Variants in MIOS observed in about 807,000 individuals in gnomAD.
The protein encoded by MIOS is meiosis regulator for oocyte development.
Under a neutral mutation model 96.9 loss-of-function variants are expected in MIOS, and 52 were observed. The ratio of observed to expected loss-of-function variants is 0.54; its 90% confidence interval spans 0.43 to 0.68. The LOEUF is 0.68. Ranked by LOEUF, MIOS falls within the 30% of genes least tolerant of loss-of-function variation. MIOS has a pLI of 0.00. For synonymous variants in MIOS, 397 were observed against 359.5 expected (o/e 1.10, Z -1.18); for missense variants, 1,005 against 1,052.8 (o/e 0.95, Z 0.63).
At chr7:7,583,650 C>T (rs960031209) in intron 6 of MIOS, among the ~76,000 whole-genome samples, 1 of 151,918 alleles carries the variant, frequency 6.6e-6, no homozygotes, top group African/African-American at 2.4e-5. Flanking sequence ...AATGTTTTCT[C>T]TTAAAGATAG....
At chr7:7,579,540 C>T (rs1783644232) in intron 5 of MIOS, among the ~76,000 whole-genome samples, 1 of 152,186 alleles carries the variant, frequency 6.6e-6, no homozygotes, top group African/African-American at 2.4e-5. Context: ...GTATTCAGTA[C>T]AGTAACTTGC....
chr7:7,591,486 C>T (rs932546662), intron 9 of MIOS, among the ~76,000 whole-genome samples: 1 of 151,758 alleles, frequency 6.6e-6, no homozygotes, highest in Non-Finnish European at 1.5e-5. Context: ...CACCATGTTG[C>T]CCAGGCTGGT....
chr7:7,600,728 C>T (rs1784351464), intron 11 of MIOS, among the ~76,000 whole-genome samples: 1 of 152,182 alleles, frequency 6.6e-6, no homozygotes, highest in East Asian at 1.9e-4. Flanking sequence ...TAATAGACAT[C>T]TACAGAACTC....
chr7:7,582,905 A>G (rs1320964903), intron 5 of MIOS: 5 of 530,098 alleles, frequency 9.4e-6, no homozygotes, highest in Non-Finnish European at 9.2e-6. Flanking sequence ...ATTTGCTCTT[A>G]TTTCAGTAGT....
At chr7:7,603,154 G>A (rs111775162) in intron 11 of MIOS, among the ~76,000 whole-genome samples, 5 of 152,070 alleles carry the variant, frequency 3.3e-5, no homozygotes, top group African/African-American at 1.2e-4. Context: ...CATAGGCATG[G>A]GCAAGGACTT....
intron 5 of MIOS, among the ~76,000 whole-genome samples, chr7:7,576,565 CAG>C (rs1190166738): frequency 3.3e-5 from 5 of 152,076 alleles, no homozygotes; most frequent in African/African-American, 4.8e-5. Flanking sequence ...ATGGCTGAAA[CAG>C]AGCATGAGAG....
chr7:7,592,824 G>T (rs1431697243), intron 9 of MIOS, among the ~76,000 whole-genome samples: 2 of 152,140 alleles, frequency 1.3e-5, no homozygotes, highest in African/African-American at 2.4e-5. Flanking sequence ...TTTGCTTATT[G>T]CCCTGTCACT....
rs1322614471 is a variant in MIOS at position 7,608,648 on chromosome 7, CCCTTTA to C, written c.*1563_*1568del. ...ATTGATTTCATTTTATTAACATATA[CCCTTTA>C]CCTTTAATATTTCATTTGAAGTGTT... On this transcript the variant is annotated 3_prime_UTR_variant, in exon 13 of 13. Transcript: ENST00000340080. 1 of 151,880 alleles carries C rather than the reference CCCTTTA, an allele frequency of 6.6e-6. No homozygotes were observed. The highest frequency in any genetic ancestry group is 2.4e-5 in the African/African-American group (1 of 41,394). 9.4% of individuals were successfully genotyped at this position (151,880 alleles called of 1,614,324 possible).
At chr7:7,603,092 C>T (rs1472295139) in intron 11 of MIOS, among the ~76,000 whole-genome samples, 3 of 152,128 alleles carry the variant, frequency 2.0e-5, no homozygotes, top group East Asian at 1.9e-4. Context: ...AAGACTTAAA[C>T]GTTAGACCTA....
At chr7:7,569,812 A>G (rs923756082) in intron 3 of MIOS, among the ~76,000 whole-genome samples, 1 of 152,212 alleles carries the variant, frequency 6.6e-6, no homozygotes, top group South Asian at 2.1e-4. Flanking sequence ...CTTGGCCCAG[A>G]AGACAGGGAA....
rs1251776103 is a variant in MIOS, at chr7:7,603,290, G to A, written c.2402-2652G>A. On this transcript the variant is annotated intron_variant, in intron 11 of 12. Coordinates refer to ENST00000340080, the MANE Select transcript of MIOS (RefSeq NM_019005.4). Reference sequence around the variant, plus strand: ...AGAGTGAACAGGCAACCTACAAAATGGGAGAAAATTTTTGCAACCTACTCA... The same window carrying A: ...AGAGTGAACAGGCAACCTACAAAATAGGAGAAAATTTTTGCAACCTACTCA... Among the ~76,000 whole-genome samples, 8 of 151,836 alleles carry A rather than the reference G, an allele frequency of 5.3e-5. No homozygotes were observed. The East Asian group carries it at 9.7e-4, about 18-fold the overall frequency.
At chr7:7,604,732 TGA>T (rs1391724008) in intron 11 of MIOS, among the ~76,000 whole-genome samples, 2 of 152,154 alleles carry the variant, frequency 1.3e-5, no homozygotes, top group African/African-American at 4.8e-5. Flanking sequence ...TACTTGGCAG[TGA>T]GATAGACCTT....
chr7:7,598,579 G>C (rs1784282258), intron 11 of MIOS, among the ~76,000 whole-genome samples: 1 of 148,512 alleles, frequency 6.7e-6, no homozygotes, highest in Non-Finnish European at 1.5e-5. Flanking sequence ...ACAACAATGA[G>C]AGCTCGAGGT....
intron 11 of MIOS, chr7:7,605,066 G>C (rs956088836): frequency 5.9e-5 from 9 of 152,092 alleles, no homozygotes; most frequent in Non-Finnish European, 1.2e-4. Flanking sequence ...ATTCCCGACT[G>C]CAAGATTATC....
chr7:7,593,977 T>G (rs1784129730), intron 9 of MIOS, among the ~76,000 whole-genome samples: 1 of 151,816 alleles, frequency 6.6e-6, no homozygotes, highest in African/African-American at 2.4e-5. Flanking sequence ...AAATACAACT[T>G]TAGGAAAATT....
intron 6 of MIOS, 146 bp downstream of exon 6, chr7:7,583,518 G>A (rs1783795603): frequency 3.2e-6 from 3 of 929,024 alleles, no homozygotes; most frequent in South Asian, 4.4e-5. Flanking sequence ...AAACACAGCA[G>A]TATATCTATA....
intron 12 of MIOS, 51 bp downstream of exon 12, chr7:7,606,122 C>G (rs1179169155): frequency 6.3e-7 from 1 of 1,593,202 alleles, no homozygotes; most frequent in Non-Finnish European, 8.6e-7. Flanking sequence ...GGGGATAACA[C>G]AGATTGCTTC....
intron 5 of MIOS, among the ~76,000 whole-genome samples, chr7:7,582,460 TG>T (rs1783761682): frequency 6.6e-6 from 1 of 152,188 alleles, no homozygotes; most frequent in Non-Finnish European, 1.5e-5. Flanking sequence ...GTATAAATAA[TG>T]CTATGTGAAG....
chr7:7,604,401 C>T (rs1784467616), intron 11 of MIOS, among the ~76,000 whole-genome samples: 2 of 152,078 alleles, frequency 1.3e-5, no homozygotes, highest in Non-Finnish European at 2.9e-5. Flanking sequence ...GATTAGAAAT[C>T]TGTTGAAACA....
Sources: gnomAD v4.1 joint callset for allele counts (sites outside exome capture counted in the v4.1 genomes callset) on GRCh38, gnomAD v4.1.1 for gene constraint, MANE v1.5 for transcripts, NCBI Gene and HGNC (gene_info 2026-07-23, HGNC 2026-07-21) for gene names.